SLC8A1: variants seen among roughly 807,000 people sequenced by gnomAD.
SLC8A1 encodes the protein solute carrier family 8 member A1, also known as sodium/calcium exchanger 1.
Under a neutral mutation model 68.3 loss-of-function variants are expected in SLC8A1, and 18 were observed. The ratio of observed to expected loss-of-function variants is 0.26; its 90% confidence interval spans 0.18 to 0.39. SLC8A1 has a LOEUF of 0.39. Ranked by LOEUF, SLC8A1 falls within the 10% of genes least tolerant of loss-of-function variation. The probability of loss-of-function intolerance (pLI) is 1.00; values close to 1 mark genes in which losing one functional copy is unlikely to be tolerated. For synonymous variants in SLC8A1, 475 were observed against 415.5 expected (o/e 1.14, Z -1.74); for missense variants, 985 against 1,156.7 (o/e 0.85, Z 2.15).
In SLC8A1 at chr2:40,510,316, T is replaced by C. The variant is rs528943684; in HGVS notation, c.-25+2033A>G. Among the ~76,000 whole-genome samples, 5 of 152,322 alleles carry C rather than the reference T, an allele frequency of 3.3e-5. No homozygotes were observed. The South Asian group carries it at 6.2e-4, about 19-fold the overall frequency. ...CTTCCACAAATGTTGACATAGTATA[T>C]ACAAAATTAGCAGTAAGTCATTGTC... On this transcript the variant is annotated intron_variant, in intron 1 of 7. Transcript: ENST00000402441.
chr2:40,134,287 T>A (rs565135932), intron 7 of SLC8A1, among the ~76,000 whole-genome samples: 1 of 152,192 alleles, frequency 6.6e-6, no homozygotes, highest in African/African-American at 2.4e-5. Context: ...AGACAGGGTT[T>A]CAGCATGTTG....
At chr2:40,431,248 T>G (rs1490619451) in intron 1 of SLC8A1, among the ~76,000 whole-genome samples, 19 of 152,010 alleles carry the variant, frequency 1.2e-4, no homozygotes, top group Admixed American at 1.2e-3. Flanking sequence ...AAAATGTTCC[T>G]TCTCGGTGTC....
rs557451236 is a variant in SLC8A1 at position 40,334,127 on chromosome 2, T to C, written c.1808+94346A>G. Among the ~76,000 whole-genome samples the C allele has an allele frequency of 1.1e-3, 163 of 152,302 alleles. 2 individuals carry two copies. The highest frequency in any genetic ancestry group is 3.7e-3 in the African/African-American group (154 of 41,562). ...TGTTGCAACATCATCAACATATCTATAGAAACATAAGTGTTAGAATTAGCT... is the reference window on the plus strand; with the variant it reads ...TGTTGCAACATCATCAACATATCTACAGAAACATAAGTGTTAGAATTAGCT... On this transcript the variant is annotated intron_variant, in intron 2 of 7. Coordinates refer to ENST00000406785, the Ensembl canonical transcript of SLC8A1.
At chr2:40,318,874 C>T (rs1350325536) in intron 2 of SLC8A1, among the ~76,000 whole-genome samples, 1 of 151,874 alleles carries the variant, frequency 6.6e-6, no homozygotes, top group African/African-American at 2.4e-5. Context: ...CTTTTTTTTC[C>T]CTCAACTTTT....
intron 2 of SLC8A1, among the ~76,000 whole-genome samples, chr2:40,367,593 A>G (rs1676664539): frequency 6.6e-6 from 1 of 151,932 alleles, no homozygotes; most frequent in Non-Finnish European, 1.5e-5. Context: ...AAGTGAGACA[A>G]ACGTACATGT....
At chr2:40,379,610 C>G (rs1349028865) in intron 2 of SLC8A1, among the ~76,000 whole-genome samples, 1 of 151,846 alleles carries the variant, frequency 6.6e-6, no homozygotes, top group Non-Finnish European at 1.5e-5. Flanking sequence ...AATCTCATTC[C>G]AGACTAATGT....
At chr2:40,360,562 C>G (rs960098474) in intron 2 of SLC8A1, among the ~76,000 whole-genome samples, 12 of 152,066 alleles carry the variant, frequency 7.9e-5, no homozygotes, top group African/African-American at 2.7e-4. Context: ...TTATTTATGC[C>G]TCATTCTCAG....
At chr2:40,341,828 T>C (rs1394749002) in intron 2 of SLC8A1, among the ~76,000 whole-genome samples, 5 of 152,274 alleles carry the variant, frequency 3.3e-5, no homozygotes, top group Middle Eastern at 3.4e-3. Context: ...TCAAATTCCA[T>C]TGCATGGACC....
intron 4 of SLC8A1, among the ~76,000 whole-genome samples, chr2:40,168,528 C>G (rs2046935345): frequency 6.6e-6 from 1 of 152,138 alleles, no homozygotes; most frequent in Admixed American, 6.5e-5. Flanking sequence ...CTGATAAATT[C>G]ACATTTATGG....
intron 2 of SLC8A1, among the ~76,000 whole-genome samples, chr2:40,199,428 G>A (rs986490177): frequency 1.3e-5 from 2 of 151,416 alleles, no homozygotes; most frequent in Admixed American, 1.3e-4. Flanking sequence ...ACCCCCATAA[G>A]GACCATAAAT....
intron 6 of SLC8A1, among the ~76,000 whole-genome samples, chr2:40,152,561 C>G (rs754048469): frequency 2.0e-5 from 3 of 151,740 alleles, no homozygotes; most frequent in African/African-American, 4.8e-5. Context: ...TGCACCACTA[C>G]GCCTAGCTAA....
At position 40,360,189 on chromosome 2, in the gene SLC8A1, C is replaced by G. The variant is rs997282406; in HGVS notation, c.1808+68284G>C. On this transcript the variant is annotated intron_variant, in intron 2 of 7. Coordinates refer to ENST00000406785, the Ensembl canonical transcript of SLC8A1. ...AGACAGAAACCATTTTTATTTTGCC[C>G]CTCCACTCTATTCCTAATGCCCAGC... Among the ~76,000 whole-genome samples the G allele has an allele frequency of 3.9e-5, 6 of 152,128 alleles. No individual in the cohort carries two copies. In the East Asian group the frequency reaches 1.2e-3, roughly 29 times the overall value.
At chr2:40,153,664 A>T (rs148232304) in intron 6 of SLC8A1, among the ~76,000 whole-genome samples, 2 of 152,322 alleles carry the variant, frequency 1.3e-5, no homozygotes, top group Non-Finnish European at 2.9e-5. Context: ...ATCACAGAGA[A>T]AGAGCAGGAG....
chr2:40,361,464 C>CTTTTTTT (rs60746878), intron 2 of SLC8A1, among the ~76,000 whole-genome samples: 1 of 146,958 alleles, frequency 6.8e-6, no homozygotes. Flanking sequence ...CTGAAGGAGC[C>CTTTTTTT]TTTTTTTTTT....
intron 2 of SLC8A1, among the ~76,000 whole-genome samples, chr2:40,416,471 A>C (rs1312809223): frequency 6.6e-6 from 1 of 152,180 alleles, no homozygotes; most frequent in Non-Finnish European, 1.5e-5. Flanking sequence ...AAAACAAAAA[A>C]ATATCATTTC....
At chr2:40,247,457 GA>G (rs2062038009) in intron 2 of SLC8A1, among the ~76,000 whole-genome samples, 1 of 112,454 alleles carries the variant, frequency 8.9e-6, no homozygotes, top group South Asian at 2.4e-4. Flanking sequence ...TGTGTGTGTG[GA>G]GAGAGAGAGA....
chr2:40,417,621 A>C (rs994910422), intron 2 of SLC8A1, among the ~76,000 whole-genome samples: 4 of 151,962 alleles, frequency 2.6e-5, no homozygotes, highest in Non-Finnish European at 4.4e-5. Flanking sequence ...TGATCTTCCC[A>C]CCTCAGCCTC....
At chr2:40,402,335 C>T (rs1226161853) in intron 2 of SLC8A1, among the ~76,000 whole-genome samples, 1 of 152,150 alleles carries the variant, frequency 6.6e-6, no homozygotes, top group South Asian at 2.1e-4. Context: ...GAATTGCCCA[C>T]CCCTTTGCCA....
intron 2 of SLC8A1, among the ~76,000 whole-genome samples, chr2:40,219,272 T>A (rs1161552998): frequency 6.6e-6 from 1 of 152,192 alleles, no homozygotes; most frequent in African/African-American, 2.4e-5. Flanking sequence ...TTGTTTGACC[T>A]TGGAGGCTTT....
Sources: gnomAD v4.1 joint callset for allele counts (sites outside exome capture counted in the v4.1 genomes callset) on GRCh38, gnomAD v4.1.1 for gene constraint, MANE v1.5 for transcripts, NCBI Gene and HGNC (gene_info 2026-07-23, HGNC 2026-07-21) for gene names.